The following PRKG1 variants were observed in gnomAD, a reference collection of about 807,000 sequenced individuals.
PRKG1 encodes the protein cGMP-dependent protein kinase 1.
Under a neutral mutation model 88.1 loss-of-function variants are expected in PRKG1, and 35 were observed. The ratio of observed to expected loss-of-function variants is 0.40; its 90% CI spans 0.30 to 0.53. The LOEUF (loss-of-function observed/expected upper bound fraction) is 0.53, where lower values mean the gene tolerates loss of function less well. Among genes scored for constraint, PRKG1 ranks in the 20% least tolerant of loss-of-function variants. PRKG1 has a pLI of 0.59. For synonymous variants in PRKG1, 303 were observed against 292.5 expected (o/e 1.04, Z -0.37); for missense variants, 540 against 839.8 (o/e 0.64, Z 4.41).
At chr10:51,503,894 G>C (rs1410395101) in intron 3 of PRKG1, among the ~76,000 whole-genome samples, 1 of 152,118 alleles carries the variant, frequency 6.6e-6, no homozygotes, top group Non-Finnish European at 1.5e-5. Flanking sequence ...GAAAATGCTT[G>C]AGAATTTTAA....
intron 5 of PRKG1, among the ~76,000 whole-genome samples, chr10:52,026,833 G>T (rs892954054): frequency 6.6e-5 from 10 of 152,070 alleles, no homozygotes; most frequent in Admixed American, 6.6e-4. Context: ...AAATTAGCTG[G>T]GCGTGGTGGT....
chr10:51,206,925 C>T (rs1435293486), intron 2 of PRKG1, among the ~76,000 whole-genome samples: 1 of 152,042 alleles, frequency 6.6e-6, no homozygotes, highest in Non-Finnish European at 1.5e-5. Context: ...TATGTACATG[C>T]CAGGAAAGTG....
intron 10 of PRKG1, among the ~76,000 whole-genome samples, chr10:52,259,051 C>T (rs1362211442): frequency 6.9e-6 from 1 of 144,630 alleles, no homozygotes; most frequent in Non-Finnish European, 1.5e-5. Flanking sequence ...GTGGGAGGAG[C>T]AGAGAGAAAT....
At position 52,062,573 on chromosome 10, in the gene PRKG1, C is replaced by G. The variant is rs1291825799; in HGVS notation, c.877C>G (p.Pro293Ala). 2 of 1,606,912 alleles carry G rather than the reference C, an allele frequency of 1.2e-6. No individual in the cohort carries two copies. The highest frequency in any genetic ancestry group is 4.5e-5 in the East Asian group (2 of 44,730). ...TCGTGAAGACTCACCGAGTGAAGAC[C>G]CAGTCTTTCTTAGAACTTTAGGAAA... ...VTREDSPSED[P>A]VFLRTLGKGD... Residue 293 changes from proline (P) to alanine (A), a missense_variant, in exon 7 of 18, where the codon CCA becomes GCA. Coordinates refer to ENST00000373980, the MANE Select transcript of PRKG1 (RefSeq NM_006258.4).
At chr10:51,660,309 A>T (rs1448698831) in intron 3 of PRKG1, among the ~76,000 whole-genome samples, 1 of 151,998 alleles carries the variant, frequency 6.6e-6, no homozygotes, top group Non-Finnish European at 1.5e-5. Flanking sequence ...CTTCATCATC[A>T]TCATCATCAT....
chr10:52,269,835 T>C (rs1841670433), intron 10 of PRKG1, among the ~76,000 whole-genome samples: 1 of 152,068 alleles, frequency 6.6e-6, no homozygotes, highest in Admixed American at 6.6e-5. Flanking sequence ...AAATTTCTTG[T>C]AAAACCATAA....
intron 2 of PRKG1, among the ~76,000 whole-genome samples, chr10:51,203,542 G>A (rs767663991): frequency 2.6e-5 from 4 of 152,164 alleles, no homozygotes; most frequent in Non-Finnish European, 1.5e-5. Flanking sequence ...TGAGGGCACA[G>A]CTGGATGTGC....
intron 3 of PRKG1, among the ~76,000 whole-genome samples, chr10:51,793,138 C>CAAA (rs775904836): frequency 0.03 from 2,113 of 69,406 alleles, 108 homozygotes; most frequent in African/African-American, 0.09. Flanking sequence ...CAGCACACTG[C>CAAA]AAAAAAAAAA....
At chr10:51,928,239 A>G (rs902015149) in intron 5 of PRKG1, among the ~76,000 whole-genome samples, 3 of 152,174 alleles carry the variant, frequency 2.0e-5, no homozygotes, top group Non-Finnish European at 4.4e-5. Flanking sequence ...AATTTGTAAT[A>G]CTCCTTTCTA....
intron 3 of PRKG1, among the ~76,000 whole-genome samples, chr10:51,775,571 T>TTAG (rs1321517242): frequency 3.3e-5 from 5 of 151,030 alleles, no homozygotes; most frequent in Admixed American, 2.6e-4. Flanking sequence ...TCTTTAATTA[T>TTAG]TATTATTATT....
At chr10:51,301,245 C>T (rs1035349440) in intron 2 of PRKG1, among the ~76,000 whole-genome samples, 3 of 152,096 alleles carry the variant, frequency 2.0e-5, no homozygotes, top group African/African-American at 4.8e-5. Flanking sequence ...CTGACCCTTC[C>T]TTAATATTGG....
intron 3 of PRKG1, among the ~76,000 whole-genome samples, chr10:51,700,975 G>A (rs1374430508): frequency 6.6e-6 from 1 of 151,954 alleles, no homozygotes; most frequent in African/African-American, 2.4e-5. Context: ...TACTGGTTGA[G>A]GTGTGCCATA....
At chr10:51,305,161 G>A (rs1385931198) in intron 2 of PRKG1, among the ~76,000 whole-genome samples, 1 of 152,166 alleles carries the variant, frequency 6.6e-6, no homozygotes, top group Admixed American at 6.5e-5. Context: ...CCCCTGGAAA[G>A]ATAGCCCTTC....
At chr10:52,081,458 T>C (rs1423532483) in intron 7 of PRKG1, 1 of 400,852 alleles carries the variant, frequency 2.5e-6, no homozygotes, top group Non-Finnish European at 4.9e-6. Flanking sequence ...AGTTACTATA[T>C]ATCTCTCCCC....
intron 4 of PRKG1, among the ~76,000 whole-genome samples, chr10:51,824,332 T>C (rs994263303): frequency 6.6e-6 from 1 of 152,220 alleles, no homozygotes; most frequent in Non-Finnish European, 1.5e-5. Context: ...GCCTTAGATA[T>C]AATGTTCAAC....
chr10:51,266,698 G>T (rs1178147726), intron 2 of PRKG1, among the ~76,000 whole-genome samples: 1 of 152,142 alleles, frequency 6.6e-6, no homozygotes, highest in African/African-American at 2.4e-5. Context: ...TGGAATACTT[G>T]CACGCAGCAC....
chr10:52,145,249 A>AT (rs1253683406), intron 8 of PRKG1, among the ~76,000 whole-genome samples: 2 of 152,130 alleles, frequency 1.3e-5, no homozygotes, highest in Non-Finnish European at 2.9e-5. Flanking sequence ...TAAATAATTC[A>AT]TTTTTTTCCA....
At chr10:51,493,036 C>T (rs1170870086) in intron 3 of PRKG1, among the ~76,000 whole-genome samples, 1 of 152,054 alleles carries the variant, frequency 6.6e-6, no homozygotes, top group Non-Finnish European at 1.5e-5. Context: ...TAAGAAATAG[C>T]TCCCATTTCC....
intron 3 of PRKG1, among the ~76,000 whole-genome samples, chr10:51,575,559 G>A (rs1311328720): frequency 6.6e-6 from 1 of 151,922 alleles, no homozygotes; most frequent in Non-Finnish European, 1.5e-5. Context: ...TTATAGAGAT[G>A]TATATAACTC....
Sources: gnomAD v4.1 joint callset for allele counts (sites outside exome capture counted in the v4.1 genomes callset) on GRCh38, gnomAD v4.1.1 for gene constraint, MANE v1.5 for transcripts, NCBI Gene and HGNC (gene_info 2026-07-23, HGNC 2026-07-21) for gene names.